The following RORA variants were observed in gnomAD, a reference collection of about 807,000 sequenced individuals.
RORA encodes the protein nuclear receptor ROR-alpha.
A neutral mutation model predicts 69.5 loss-of-function variants in RORA; 7 were observed. The observed-to-expected ratio is 0.10, with a 90% CI of 0.06 to 0.19. RORA has a LOEUF of 0.19. RORA is among the 10% of genes least tolerant of loss of function. RORA has a pLI of 1.00. For synonymous variants in RORA, 261 were observed against 240.8 expected (o/e 1.08, Z -0.78); for missense variants, 457 against 663.0 (o/e 0.69, Z 3.41).
chr15:60,985,377 C>T (rs1389833992), intron 1 of RORA, among the ~76,000 whole-genome samples: 3 of 144,032 alleles, frequency 2.1e-5, no homozygotes. Context: ...AAGCTTACTC[C>T]CACTTAAGAA....
At chr15:61,007,915 T>C (rs951695356) in intron 1 of RORA, among the ~76,000 whole-genome samples, 19 of 150,062 alleles carry the variant, frequency 1.3e-4, no homozygotes, top group Non-Finnish European at 2.7e-4. Flanking sequence ...AATAGAAAAT[T>C]AGGATAAAAG....
intron 1 of RORA, among the ~76,000 whole-genome samples, chr15:60,731,118 C>T (rs2071424408): frequency 6.6e-6 from 1 of 152,144 alleles, no homozygotes; most frequent in Non-Finnish European, 1.5e-5. Flanking sequence ...AGGAAAGCAG[C>T]CCAGCATCTT....
At chr15:60,827,109 G>A (rs2072974110) in intron 1 of RORA, among the ~76,000 whole-genome samples, 1 of 152,184 alleles carries the variant, frequency 6.6e-6, no homozygotes, top group South Asian at 2.1e-4. Flanking sequence ...ACTTCAGAGT[G>A]CCCCAAGCCC....
chr15:60,557,018 AACAG>A, intron 2 of RORA: 1 of 1,066,960 alleles, frequency 9.4e-7, no homozygotes, highest in South Asian at 1.5e-5. Flanking sequence ...CAAATGCTTG[AACAG>A]CAATAAGTAC....
chr15:61,023,187 C>CAAAAAAAAAA (rs35185635), intron 1 of RORA, among the ~76,000 whole-genome samples: 2 of 75,688 alleles, frequency 2.6e-5, no homozygotes, highest in Non-Finnish European at 4.8e-5. Flanking sequence ...GACTCTGCCT[C>CAAAAAAAAAA]AAAAAAAAAA....
chr15:60,707,915 T>C (rs567845174), intron 1 of RORA, among the ~76,000 whole-genome samples: 17 of 152,324 alleles, frequency 1.1e-4, no homozygotes, highest in African/African-American at 3.8e-4. Flanking sequence ...CAGATCTGCT[T>C]CTCATCCTGT....
chr15:60,705,806 C>T (rs2071054663), intron 1 of RORA, among the ~76,000 whole-genome samples: 1 of 152,126 alleles, frequency 6.6e-6, no homozygotes, highest in Non-Finnish European at 1.5e-5. Context: ...GAAGTATAAT[C>T]TATTTGCTTA....
At chr15:60,519,470 A>C (rs1028735421) in intron 3 of RORA, among the ~76,000 whole-genome samples, 1 of 152,190 alleles carries the variant, frequency 6.6e-6, no homozygotes, top group Non-Finnish European at 1.5e-5. Flanking sequence ...CAGAACTTAC[A>C]CTGTCATCTT....
rs1229617673 is a variant in RORA at position 61,142,876 on chromosome 15, T to C, written c.166+86177A>G. On this transcript the variant is annotated intron_variant, in intron 1 of 10. Coordinates refer to ENST00000335670, the MANE Select transcript of RORA (RefSeq NM_134261.3). ...TATTTTTTGATATGGGAAAGAGAGATATAGATACACATGCATCAGCTCAAA... is the reference window on the plus strand; with the variant it reads ...TATTTTTTGATATGGGAAAGAGAGACATAGATACACATGCATCAGCTCAAA... 2.0e-5 allele frequency among the ~76,000 whole-genome samples: 3 copies of C among 152,214 alleles called. No individual in the cohort carries two copies. In the East Asian group the frequency reaches 5.8e-4, roughly 29 times the overall value.
chr15:60,620,825 C>T (rs2069383819), intron 2 of RORA, among the ~76,000 whole-genome samples: 1 of 152,214 alleles, frequency 6.6e-6, no homozygotes, highest in South Asian at 2.1e-4. Flanking sequence ...CTGATGGCTG[C>T]TGGGGAGAGG....
intron 3 of RORA, among the ~76,000 whole-genome samples, chr15:60,521,247 A>T (rs898028877): frequency 4.8e-5 from 7 of 145,110 alleles, no homozygotes; most frequent in African/African-American, 1.3e-4. Context: ...AAAAATTGTC[A>T]TTTTTTTTTT....
At chr15:60,599,931 C>T (rs1448378102) in intron 2 of RORA, among the ~76,000 whole-genome samples, 4 of 152,180 alleles carry the variant, frequency 2.6e-5, no homozygotes, top group African/African-American at 7.2e-5. Context: ...AAGAGTTCCA[C>T]ATCACAGCAC....
intron 1 of RORA, among the ~76,000 whole-genome samples, chr15:60,941,594 A>G (rs1222850336): frequency 2.0e-5 from 3 of 152,210 alleles, no homozygotes; most frequent in Non-Finnish European, 2.9e-5. Flanking sequence ...TGATGCTTTC[A>G]CCCAGAGGTG....
At chr15:60,596,023 G>A (rs1445897481) in intron 2 of RORA, among the ~76,000 whole-genome samples, 1 of 152,136 alleles carries the variant, frequency 6.6e-6, no homozygotes, top group Non-Finnish European at 1.5e-5. Context: ...GAGTCTAGAC[G>A]GTAGTATCAC....
At chr15:60,749,577 T>C (rs1236995709) in intron 1 of RORA, among the ~76,000 whole-genome samples, 1 of 152,282 alleles carries the variant, frequency 6.6e-6, no homozygotes, top group East Asian at 1.9e-4. Context: ...AAAAAGTAAA[T>C]GCAAACCAGA....
chr15:60,496,187 CAT>C lies in RORA; in HGVS notation c.*1266_*1267del, dbSNP rs2065163241. ...GAATTAGTTCACTCTGAGATAAACTCATAGGGTTCCTAGATTATACCAAGAAC... is the reference window on the plus strand; with the variant it reads ...GAATTAGTTCACTCTGAGATAAACTCAGGGTTCCTAGATTATACCAAGAAC... On this transcript the variant is annotated 3_prime_UTR_variant, in exon 11 of 11. Coordinates refer to ENST00000335670, the MANE Select transcript of RORA (RefSeq NM_134261.3). This position sits in a 1 kb window ranked among gnomAD's most constrained non-coding sequence, Gnocchi z 4.5. 1 of 152,134 alleles carries C rather than the reference CAT, an allele frequency of 6.6e-6. No individual in the cohort carries two copies. Among genetic ancestry groups the C allele is most frequent in the Non-Finnish European group, 1.5e-5 (1 of 68,026 alleles). The allele number at this position is 152,134 out of a possible 1,614,324, so 9.4% of individuals were successfully genotyped here.
intron 1 of RORA, among the ~76,000 whole-genome samples, chr15:61,161,994 T>C (rs1347013187): frequency 1.3e-5 from 2 of 152,186 alleles, no homozygotes; most frequent in Non-Finnish European, 2.9e-5. Context: ...AAAGGCAGAA[T>C]GCAAATATCC....
chr15:60,875,105 G>C (rs1444270368), intron 1 of RORA, among the ~76,000 whole-genome samples: 1 of 152,094 alleles, frequency 6.6e-6, no homozygotes, highest in African/African-American at 2.4e-5. Flanking sequence ...TAGACCCCTA[G>C]CTTACTGACC....
intron 1 of RORA, among the ~76,000 whole-genome samples, chr15:60,899,341 T>C (rs1274865282): frequency 6.6e-6 from 1 of 152,224 alleles, no homozygotes; most frequent in Non-Finnish European, 1.5e-5. Context: ...ATGTTTAGTA[T>C]ATGGTCCAAC....
Sources: allele counts gnomAD v4.1 joint callset (sites outside exome capture counted in the v4.1 genomes callset), GRCh38; gene constraint gnomAD v4.1.1; non-coding constraint Gnocchi (gnomAD v3.1); transcripts MANE v1.5; gene names NCBI Gene and HGNC (gene_info 2026-07-23, HGNC 2026-07-21).